The following KCNQ5 variants were observed in gnomAD, a reference collection of about 807,000 sequenced individuals.
KCNQ5 encodes the protein potassium voltage-gated channel subfamily KQT member 5.
Under a neutral mutation model 98.2 loss-of-function variants are expected in KCNQ5, and 30 were observed. That is an observed-to-expected ratio of 0.31 (90% CI 0.23 to 0.41). KCNQ5 has a LOEUF of 0.41. Ranked by LOEUF, KCNQ5 falls within the 10% of genes least tolerant of loss-of-function variation. The pLI is 1.00. For missense variants in KCNQ5, 835 were observed against 1,182.5 expected (o/e 0.71, Z 4.31); for synonymous variants, 458 against 449.4 (o/e 1.02, Z -0.24).
intron 1 of KCNQ5, among the ~76,000 whole-genome samples, chr6:72,873,913 C>T (rs1033789137): frequency 2.0e-5 from 3 of 151,698 alleles, no homozygotes; most frequent in Non-Finnish European, 4.4e-5. Context: ...TTGATAATTA[C>T]GAGTTGAGAA....
intron 1 of KCNQ5, among the ~76,000 whole-genome samples, chr6:72,861,813 A>AAAC (rs1777773305): frequency 8.6e-6 from 1 of 115,880 alleles, no homozygotes. Context: ...TGTACCCTAA[A>AAAC]ACTTAAAGTA....
At chr6:72,906,444 A>G (rs958892031) in intron 1 of KCNQ5, among the ~76,000 whole-genome samples, 1 of 152,114 alleles carries the variant, frequency 6.6e-6, no homozygotes, top group East Asian at 1.9e-4. Flanking sequence ...AATTGTTACA[A>G]ACTTCAGCTG....
At chr6:73,006,847 ATG>A (rs554349304) in intron 2 of KCNQ5, among the ~76,000 whole-genome samples, 14 of 152,098 alleles carry the variant, frequency 9.2e-5, no homozygotes, top group Non-Finnish European at 1.9e-4. Context: ...ATTTTAAAAT[ATG>A]TTCAGATATT....
chr6:73,129,774 C>T (rs1450614164), intron 9 of KCNQ5: 1 of 1,606,912 alleles, frequency 6.2e-7, no homozygotes, highest in East Asian at 2.2e-5. Flanking sequence ...ATGTGCTGCT[C>T]TATTTCCCTC....
At chr6:73,159,159 T>C (rs1474566026) in intron 10 of KCNQ5, among the ~76,000 whole-genome samples, 1 of 152,214 alleles carries the variant, frequency 6.6e-6, no homozygotes, top group Non-Finnish European at 1.5e-5. Flanking sequence ...ATGGATACTA[T>C]GCAGTCATAA....
intron 1 of KCNQ5, among the ~76,000 whole-genome samples, chr6:72,789,585 G>C (rs1374494844): frequency 6.6e-6 from 1 of 152,204 alleles, no homozygotes; most frequent in Non-Finnish European, 1.5e-5. Context: ...AAGAGTATCA[G>C]TGATAGAAGA....
chr6:73,191,213 G>A (rs1455573153), intron 12 of KCNQ5, among the ~76,000 whole-genome samples: 3 of 152,064 alleles, frequency 2.0e-5, no homozygotes, highest in Admixed American at 1.3e-4. Context: ...CAGTAGCAGA[G>A]TCTACTGCAG....
At chr6:73,132,440 A>G (rs1776276097) in intron 9 of KCNQ5, among the ~76,000 whole-genome samples, 1 of 152,182 alleles carries the variant, frequency 6.6e-6, no homozygotes, top group Non-Finnish European at 1.5e-5. Context: ...CTTACAGTTC[A>G]TTTGATTCCC....
intron 1 of KCNQ5, among the ~76,000 whole-genome samples, chr6:72,791,995 C>T (rs941860342): frequency 2.6e-5 from 4 of 152,188 alleles, no homozygotes; most frequent in Non-Finnish European, 2.9e-5. Flanking sequence ...CAAGCCATAG[C>T]AGCCAGCCAC....
At chr6:72,813,576 GA>G in intron 1 of KCNQ5, among the ~76,000 whole-genome samples, 1 of 151,676 alleles carries the variant, frequency 6.6e-6, no homozygotes, top group East Asian at 1.9e-4. Flanking sequence ...CTTTTAAAGT[GA>G]AAGCTTTAAA....
At chr6:73,118,115 G>A (rs1373845820) in intron 7 of KCNQ5, among the ~76,000 whole-genome samples, 2 of 152,150 alleles carry the variant, frequency 1.3e-5, no homozygotes, top group African/African-American at 4.8e-5. Context: ...ACATATCTTA[G>A]GAGAACTGAG....
chr6:72,750,525 A>G (rs73753896), intron 1 of KCNQ5, among the ~76,000 whole-genome samples: 7 of 152,208 alleles, frequency 4.6e-5, no homozygotes, highest in African/African-American at 1.7e-4. Context: ...ACTGAGCTGT[A>G]GAAAATTAAT....
intron 2 of KCNQ5, among the ~76,000 whole-genome samples, chr6:73,007,253 G>T (rs1289144650): frequency 6.6e-6 from 1 of 152,086 alleles, no homozygotes; most frequent in Non-Finnish European, 1.5e-5. Flanking sequence ...ATACAACCAG[G>T]TTCCTTATTT....
intron 3 of KCNQ5, among the ~76,000 whole-genome samples, chr6:73,077,049 G>A (rs1001515048): frequency 6.6e-6 from 1 of 152,156 alleles, no homozygotes; most frequent in Non-Finnish European, 1.5e-5. Context: ...ATCTGTTGAA[G>A]GTTAAATAAT....
At chr6:72,695,556 T>C (rs1768444173) in intron 1 of KCNQ5, among the ~76,000 whole-genome samples, 1 of 152,160 alleles carries the variant, frequency 6.6e-6, no homozygotes, top group African/African-American at 2.4e-5. Context: ...GTTCACACAA[T>C]GACAAAAATC....
At chr6:73,070,145 T>A (rs189127768) in intron 3 of KCNQ5, among the ~76,000 whole-genome samples, 5 of 152,348 alleles carry the variant, frequency 3.3e-5, no homozygotes, top group Non-Finnish European at 7.3e-5. Context: ...TTGTTTAACT[T>A]GATTCATTTA....
At chr6:72,686,717 G>GTTTTTTTTTTTTTTTTTTTT (rs1554688157) in intron 1 of KCNQ5, among the ~76,000 whole-genome samples, 3 of 97,460 alleles carry the variant, frequency 3.1e-5, no homozygotes, top group Admixed American at 1.0e-4. Flanking sequence ...TTTATGGGTT[G>GTTTTTTTTTTTTTTTTTTTT]TTTTTTTTTT....
At chr6:72,817,974 T>C (rs567601620) in intron 1 of KCNQ5, among the ~76,000 whole-genome samples, 1 of 152,090 alleles carries the variant, frequency 6.6e-6, no homozygotes, top group Admixed American at 6.6e-5. Flanking sequence ...AAGAGCCCCA[T>C]TAAATGAATG....
chr6:73,170,516 C>A (rs139697006), intron 11 of KCNQ5, among the ~76,000 whole-genome samples: 1,938 of 150,240 alleles, frequency 0.013, 19 homozygotes, highest in Non-Finnish European at 0.02. Flanking sequence ...CCCAGTTTAA[C>A]CCTTTTGGGA....
Sources: allele counts gnomAD v4.1 joint callset (sites outside exome capture counted in the v4.1 genomes callset), GRCh38; gene constraint gnomAD v4.1.1; transcripts MANE v1.5; gene names NCBI Gene and HGNC (gene_info 2026-07-23, HGNC 2026-07-21).